The following EZH2 variants were observed in gnomAD, a reference collection of about 807,000 sequenced individuals.
The protein encoded by EZH2 is enhancer of zeste 2 polycomb repressive complex 2 subunit.
EZH2 carries 18 observed loss-of-function variants against 98.4 expected under a neutral mutation model. That is an observed-to-expected ratio of 0.18 (90% CI 0.13 to 0.27). EZH2 has a LOEUF of 0.27. Among genes scored for constraint, EZH2 ranks in the 10% least tolerant of loss-of-function variants. The pLI, the probability that EZH2 is intolerant of heterozygous loss-of-function variation, is 1.00. For synonymous variants in EZH2, 338 were observed against 312.3 expected (o/e 1.08, Z -0.87); for missense variants, 470 against 935.1 (o/e 0.50, Z 6.49).
In EZH2 at chr7:148,862,620, G is replaced by A. The variant is rs531588845; in HGVS notation, c.-7-15315C>T. On this transcript the variant is annotated intron_variant, in intron 1 of 19. Coordinates refer to ENST00000320356, the MANE Select transcript of EZH2 (RefSeq NM_004456.5). ...AAAATGAAATTTCCATGAAAAAAGT[G>A]GCTAGTGGAGCTCACAACTTAATCA... Among the ~76,000 whole-genome samples the A allele has an allele frequency of 2.0e-5, 3 of 152,276 alleles. No individual in the cohort carries two copies. In the South Asian group the frequency reaches 6.2e-4, roughly 32 times the overall value.
chr7:148,882,731 C>T (rs933284619), intron 1 of EZH2, among the ~76,000 whole-genome samples: 2 of 152,124 alleles, frequency 1.3e-5, no homozygotes, highest in African/African-American at 4.8e-5. Context: ...GACATCAAAA[C>T]GCCACAAAAT....
chr7:148,856,313 A>C (rs1263579538), intron 1 of EZH2, among the ~76,000 whole-genome samples: 4 of 152,246 alleles, frequency 2.6e-5, no homozygotes, highest in African/African-American at 9.6e-5. Flanking sequence ...AAGTTTCTCA[A>C]TGTCACAGAA....
chr7:148,874,611 T>TA (rs1585306765), intron 1 of EZH2, among the ~76,000 whole-genome samples: 1 of 152,100 alleles, frequency 6.6e-6, no homozygotes, highest in African/African-American at 2.4e-5. Context: ...TTTTCTTTGT[T>TA]AAACAGGAAA....
At chr7:148,828,207 C>A (rs185962189) in intron 6 of EZH2, among the ~76,000 whole-genome samples, 4 of 152,296 alleles carry the variant, frequency 2.6e-5, no homozygotes, top group Admixed American at 2.6e-4. Context: ...GATTAGTACA[C>A]AACTTGTACA....
intron 3 of EZH2, among the ~76,000 whole-genome samples, chr7:148,835,805 G>C (rs1810752232): frequency 6.6e-6 from 1 of 152,150 alleles, no homozygotes. Context: ...TCGCACATAA[G>C]GGTTAGAGAA....
rs371824621 is a variant in EZH2 at position 148,832,617 on chromosome 7, A to G, written c.363+17T>C. The G allele has an allele frequency of 8.0e-7, 1 of 1,255,688 alleles. No individual in the cohort carries two copies. The highest frequency in any genetic ancestry group is 1.4e-5 in the South Asian group (1 of 70,834). The allele number at this position is 1,255,688 out of a possible 1,614,324, so 77.8% of individuals were successfully genotyped here. On this transcript the variant is annotated intron_variant, in intron 4 of 19. Transcript: ENST00000320356. The stretch of plus-strand genomic sequence containing the variant: ...TAAGTTATTATCAAATAAGCAGAAG[A>G]TATCTTATTTACATACCATAAAATT...
At chr7:148,838,939 C>A (rs1486997593) in intron 3 of EZH2, among the ~76,000 whole-genome samples, 1 of 152,138 alleles carries the variant, frequency 6.6e-6, no homozygotes, top group African/African-American at 2.4e-5. Context: ...GTAGTCCCAG[C>A]TGCTCTGGAG....
intron 3 of EZH2, among the ~76,000 whole-genome samples, chr7:148,840,415 T>A (rs1812122342): frequency 6.6e-6 from 1 of 152,144 alleles, no homozygotes; most frequent in Admixed American, 6.5e-5. Context: ...ATCTGGCCAA[T>A]AATTTTTAAA....
intron 1 of EZH2, among the ~76,000 whole-genome samples, chr7:148,867,907 A>G (rs1023144824): frequency 6.6e-6 from 1 of 152,240 alleles, no homozygotes; most frequent in African/African-American, 2.4e-5. Context: ...TCCCTAGAGC[A>G]GGAGCACAAT....
rs939158677 is a variant in EZH2 at position 148,867,382 on chromosome 7, T to C, written c.-8+16782A>G. On this transcript the variant is annotated intron_variant, in intron 1 of 19. Transcript: ENST00000320356. ...TTACCCAGTCTCAGATATTCCGTTATACCAGCACAAAACAGATGAAGACAA... is the reference window on the plus strand; with the variant it reads ...TTACCCAGTCTCAGATATTCCGTTACACCAGCACAAAACAGATGAAGACAA... 4.6e-5 allele frequency among the ~76,000 whole-genome samples: 7 copies of C among 152,152 alleles called. No individual in the cohort carries two copies. In the East Asian group the frequency reaches 1.2e-3, roughly 25 times the overall value.
intron 1 of EZH2, among the ~76,000 whole-genome samples, chr7:148,855,926 T>C (rs1162162065): frequency 1.4e-5 from 2 of 141,802 alleles, no homozygotes; most frequent in African/African-American, 5.2e-5. Flanking sequence ...AAAAAAGTAG[T>C]GACTATCAAC....
intron 1 of EZH2, among the ~76,000 whole-genome samples, chr7:148,876,438 T>C (rs558259981): frequency 1.3e-5 from 2 of 152,338 alleles, no homozygotes; most frequent in African/African-American, 2.4e-5. Context: ...AAATGTGTGC[T>C]TTTTATTGTA....
intron 1 of EZH2, 86 bp from the exon 2 acceptor site, chr7:148,847,391 A>C (rs1814422558): frequency 1.3e-6 from 2 of 1,512,812 alleles, no homozygotes; most frequent in South Asian, 1.2e-5. Flanking sequence ...CAAACTAACA[A>C]TCAGTGAAGA....
chr7:148,813,533 TC>T (rs945403167), intron 15 of EZH2, among the ~76,000 whole-genome samples: 2 of 151,946 alleles, frequency 1.3e-5, no homozygotes, highest in African/African-American at 4.8e-5. Context: ...GGAAATTTCA[TC>T]TTTTACTCTA....
chr7:148,871,403 TAAAAAAAAAAAAA>T (rs71529646), intron 1 of EZH2, among the ~76,000 whole-genome samples: 2 of 88,752 alleles, frequency 2.3e-5, no homozygotes, highest in African/African-American at 8.7e-5. Flanking sequence ...GACGAATAAT[TAAAAAAAAAAAAA>T]AAAAAAAAAG....
chr7:148,807,733 C>T (rs2129465455), intron 19 of EZH2, 27 bp from the exon 20 acceptor site: 1 of 1,541,104 alleles, frequency 6.5e-7, no homozygotes, highest in Non-Finnish European at 8.8e-7. Context: ...GAGATGTCCG[C>T]TGGATGGCCA....
At chr7:148,861,196 T>C (rs1166839063) in intron 1 of EZH2, among the ~76,000 whole-genome samples, 7 of 151,798 alleles carry the variant, frequency 4.6e-5, no homozygotes, top group Non-Finnish European at 7.4e-5. Flanking sequence ...TAAAATGTTA[T>C]ATAAATCCTT....
chr7:148,843,433 C>G (rs1194532053), intron 3 of EZH2, among the ~76,000 whole-genome samples: 1 of 151,890 alleles, frequency 6.6e-6, no homozygotes, highest in Non-Finnish European at 1.5e-5. Flanking sequence ...TCTTTGGGTT[C>G]AAATGCAGAG....
intron 15 of EZH2, among the ~76,000 whole-genome samples, chr7:148,812,423 C>G (rs896983494): frequency 2.0e-5 from 3 of 152,188 alleles, no homozygotes; most frequent in Non-Finnish European, 4.4e-5. Flanking sequence ...ATTATGCTTT[C>G]ATCCAAAATT....
Sources: allele counts gnomAD v4.1 joint callset (sites outside exome capture counted in the v4.1 genomes callset), GRCh38; gene constraint gnomAD v4.1.1; transcripts MANE v1.5; gene names NCBI Gene and HGNC (gene_info 2026-07-23, HGNC 2026-07-21).